The following ACSM3 variants were observed in gnomAD, a reference collection of about 807,000 sequenced individuals.
The protein encoded by ACSM3 is acyl-coenzyme A synthetase ACSM3, mitochondrial.
A neutral mutation model predicts 74.1 loss-of-function variants in ACSM3; 61 were observed. The observed-to-expected ratio is 0.82, with a 90% CI of 0.67 to 1.02. The LOEUF (loss-of-function observed/expected upper bound fraction) is 1.02, where lower values mean the gene tolerates loss of function less well. Among genes scored for constraint, ACSM3 ranks in the 50% least tolerant of loss-of-function variants. The probability of loss-of-function intolerance (pLI) is 0.00; values close to 1 mark genes in which losing one functional copy is unlikely to be tolerated. For missense variants in ACSM3, 660 were observed against 697.0 expected (o/e 0.95, Z 0.60); for synonymous variants, 213 against 241.5 (o/e 0.88, Z 1.09).
Position 20,789,686 on chromosome 16 carries a change from T to A in ACSM3, c.1225-901T>A, listed in dbSNP as rs940850801. ...TATTATAAAGCAACTCTATTTTTCT[T>A]TTTTTTTTTTTTTTTTTGAGATGGA... On this transcript the variant is annotated intron_variant, in intron 9 of 13. Transcript: ENST00000289416. 9.4e-5 allele frequency: 25 copies of A among 265,302 alleles called. No individual in the cohort carries two copies. In the South Asian group the frequency reaches 2.0e-3, roughly 21 times the overall value. The allele number at this position is 265,302 out of a possible 1,614,324, so 16.4% of individuals were successfully genotyped here. A position where few individuals can be genotyped will look rare whatever the true frequency, so the allele number is the denominator to read the frequency against.
rs2080439860 is a variant in ACSM3, at chr16:20,784,999, C to A, written c.1035C>A (p.Ser345Arg). ...TTCTGAGAAGCTATAAGTTTAAAAG[C>A]TTAAAGCACTGTGTGAGTGCTGGGG... is the stretch of plus-strand genomic sequence containing the variant. ...QNDITSYKFK[S>R]LKHCVSAGEP... is the part of the protein sequence containing the mutation. The change falls in exon 8 of 14, where the codon AGC becomes AGA. Residue 345 changes from serine to arginine, a missense_variant. Ser to Arg is a moderately radical substitution (Grantham distance 110). Coordinates refer to ENST00000289416, the MANE Select transcript of ACSM3 (RefSeq NM_005622.4). 1 of 1,613,190 alleles carries A rather than the reference C, an allele frequency of 6.2e-7. No homozygotes were observed. The highest frequency in any genetic ancestry group is 8.5e-7 in the Non-Finnish European group (1 of 1,179,592).
At chr16:20,786,240 T>C (rs1214613948) in intron 9 of ACSM3, 82 bp downstream of exon 9, 2 of 1,515,780 alleles carry the variant, frequency 1.3e-6, no homozygotes, top group Non-Finnish European at 1.8e-6. Context: ...ATATAAACTT[T>C]CTTTGTTATG....
chr16:20,691,072 T>C, intron 1 of ACSM3: 1 of 1,613,698 alleles, frequency 6.2e-7, no homozygotes, highest in Non-Finnish European at 8.5e-7. Flanking sequence ...AGTCATTCCA[T>C]CTTGGGGCTC....
rs1369627736 is a variant in ACSM3 at position 20,792,112 on chromosome 16, T to C, written c.1437T>C (p.Asp479=). The change falls in exon 11 of 14, where the codon GAT becomes GAC. Residue 479 remains aspartate (D), a synonymous_variant. Coordinates refer to ENST00000289416, the MANE Select transcript of ACSM3 (RefSeq NM_005622.4). ...GYFWFVARAD[D]VILSSGYRIG... ...TCTGGTTTGTTGCAAGAGCAGATGA[T>C]GTCATATTATCCTCTGGGTAACTTT... is the stretch of plus-strand genomic sequence containing the variant. 1 of 1,614,160 alleles carries C rather than the reference T, an allele frequency of 6.2e-7. No homozygotes were observed. Among genetic ancestry groups the C allele is most frequent in the South Asian group, 1.1e-5 (1 of 91,090 alleles).
intron 1 of ACSM3, among the ~76,000 whole-genome samples, chr16:20,726,319 T>G (rs2079805850): frequency 6.6e-6 from 1 of 152,176 alleles, no homozygotes; most frequent in Non-Finnish European, 1.5e-5. Flanking sequence ...ACTCAATACA[T>G]GAGGAGAGAA....
chr16:20,769,977 C>T lies in ACSM3; in HGVS notation c.-51-7C>T. ...ACAAATATATGTCCTTTTTGCTTGT[C>T]TTTTAGATGAACTGGTCTCTGTGCA... is the stretch of plus-strand genomic sequence containing the variant. On this transcript the variant is annotated splice_polypyrimidine_tract_variant and splice_region_variant and intron_variant, in intron 1 of 13. Coordinates refer to ENST00000289416, the MANE Select transcript of ACSM3 (RefSeq NM_005622.4). The T allele has an allele frequency of 2.1e-5, 33 of 1,559,718 alleles. No individual in the cohort carries two copies. Among genetic ancestry groups the T allele is most frequent in the Admixed American group, 1.6e-4 (9 of 57,896 alleles).
At chr16:20,788,484 T>G (rs916932) in intron 9 of ACSM3, among the ~76,000 whole-genome samples, 93,815 of 151,364 alleles carry the variant, frequency 0.62, 30,140 homozygotes, top group Non-Finnish European at 0.72. Context: ...ACAGTACTTT[T>G]TCTGCATCCC....
rs577802229 is a variant in ACSM3 at position 20,693,144 on chromosome 16, T to G, written c.-190+18322T>G. On this transcript the variant is annotated intron_variant, in intron 1 of 3. Transcript: ENST00000561584. ...GAGATCATGCCACTGCACTGAAGCC[T>G]GGGCAACAGAGCAAAATTCCGTCTC... Among the ~76,000 whole-genome samples the G allele has an allele frequency of 1.4e-3, 204 of 149,060 alleles. 1 individual carries two copies. Among genetic ancestry groups the G allele is most frequent in the African/African-American group, 4.9e-3 (196 of 40,330 alleles).
At chr16:20,741,481 G>GGGGGGGGGGGGGGGGCGCCCCCCCCCC in intron 1 of ACSM3, 1 of 1,308,414 alleles carries the variant, frequency 7.6e-7, no homozygotes. Flanking sequence ...CTGGCAGCCG[G>GGGGGGGGGGGGGGGGCGCCCCCCCCCC]CCCGCCCGCC....
chr16:20,706,427 G>A (rs1396504104), intron 1 of ACSM3, among the ~76,000 whole-genome samples: 1 of 152,212 alleles, frequency 6.6e-6, no homozygotes, highest in Non-Finnish European at 1.5e-5. Flanking sequence ...TGGCAGAGTA[G>A]GTAGTCCCCC....
At chr16:20,741,414 A>G in intron 1 of ACSM3, 1 of 1,411,882 alleles carries the variant, frequency 7.1e-7, no homozygotes, top group Middle Eastern at 2.6e-4. Flanking sequence ...CGACGACCCG[A>G]GGCGCGCATG....
chr16:20,735,963 T>C (rs2079865495), intron 1 of ACSM3: 1 of 152,200 alleles, frequency 6.6e-6, no homozygotes, highest in South Asian at 2.1e-4. Flanking sequence ...TACTAAATAA[T>C]TTGCTTCTTA....
At chr16:20,675,726 G>A (rs973631921) in intron 1 of ACSM3, among the ~76,000 whole-genome samples, 2 of 152,168 alleles carry the variant, frequency 1.3e-5, no homozygotes, top group Non-Finnish European at 2.9e-5. Flanking sequence ...GTGTTTTAAG[G>A]TAGTGACTAG....
intron 1 of ACSM3, chr16:20,729,266 GA>G: frequency 8.0e-7 from 1 of 1,244,772 alleles, no homozygotes; most frequent in African/African-American, 1.5e-5. Context: ...GGTAAGGGGA[GA>G]TTTTTATGTC....
chr16:20,779,425 CA>C (rs3050137), intron 4 of ACSM3, among the ~76,000 whole-genome samples: 76,332 of 131,752 alleles, frequency 0.58, 21,565 homozygotes, highest in Non-Finnish European at 0.66. Flanking sequence ...AACCCTGTCT[CA>C]AAAAAAAAAA....
At position 20,796,929 on chromosome 16, in the gene ACSM3, CAA is replaced by C; in HGVS notation, c.1722_1723del (p.Arg575LysfsTer2). Reference sequence around the variant, plus strand: ...CTGCCAAAGACTATCAGTGGGAAGACAAAAAGAAATGAACTGAGGAAGAAAGA... The same window carrying C: ...CTGCCAAAGACTATCAGTGGGAAGACAAAGAAATGAACTGAGGAAGAAAGA... On this transcript the variant is annotated frameshift_variant, in exon 14 of 14. Coordinates refer to ENST00000289416, the MANE Select transcript of ACSM3 (RefSeq NM_005622.4). LOFTEE classifies it high-confidence loss of function. 3 of 1,612,060 alleles carry C rather than the reference CAA, an allele frequency of 1.9e-6. No homozygotes were observed. The highest frequency in any genetic ancestry group is 2.5e-6 in the Non-Finnish European group (3 of 1,179,168).
In ACSM3 at chr16:20,742,813, A is replaced by ATATATATTTT. The variant is rs61582869; in HGVS notation, c.-189-7096_-189-7095insATATATTTTT. On this transcript the variant is annotated intron_variant, in intron 1 of 3. Coordinates refer to the ACSM3 transcript ENST00000561584. Reference sequence around the variant, plus strand: ...TGTAAATATATATATATATATATATATTTTTTTTTTTTCCCTTCTCCCCTT... The same window carrying ATATATATTTT: ...TGTAAATATATATATATATATATATATATATATTTTTTTTTTTTTTTTCCCTTCTCCCCTT... Among the ~76,000 whole-genome samples the ATATATATTTT allele has an allele frequency of 3.0e-3, 198 of 66,802 alleles. 2 individuals carry two copies. Among genetic ancestry groups the ATATATATTTT allele is most frequent in the South Asian group, 0.012 (26 of 2,234 alleles). 43.8% of individuals were successfully genotyped at this position (66,802 alleles called of 152,430 possible). A position where few individuals can be genotyped will look rare whatever the true frequency, so the allele number is the denominator to read the frequency against.
chr16:20,735,947 T>A (rs2079865304), intron 1 of ACSM3: 1 of 152,230 alleles, frequency 6.6e-6, no homozygotes, highest in African/African-American at 2.4e-5. Context: ...CTGAGATAAG[T>A]TCTGCTACTA....
intron 1 of ACSM3, chr16:20,737,427 C>A (rs1035098411): frequency 4.4e-6 from 4 of 899,968 alleles, no homozygotes; most frequent in Non-Finnish European, 6.3e-6. Flanking sequence ...ATAATCTGAA[C>A]CCTTACAATA....
Sources: allele counts gnomAD v4.1 joint callset (sites outside exome capture counted in the v4.1 genomes callset), GRCh38; gene constraint gnomAD v4.1.1; transcripts MANE v1.5; gene names NCBI Gene and HGNC (gene_info 2026-07-23, HGNC 2026-07-21).